The following CNBD1 variants were observed in gnomAD, a reference collection of about 807,000 sequenced individuals.
The protein encoded by CNBD1 is cyclic nucleotide binding domain containing 1.
CNBD1 carries 71 observed loss-of-function variants against 54.4 expected under a neutral mutation model. That is an observed-to-expected ratio of 1.30 (90% CI 1.08 to 1.59). The LOEUF is 1.59. CNBD1 is among the 40% of genes most tolerant of loss of function. The pLI is 0.00. For missense variants in CNBD1, 659 were observed against 518.0 expected (o/e 1.27, Z -2.64); for synonymous variants, 182 against 170.7 (o/e 1.07, Z -0.51).
At position 87,322,430 on chromosome 8, in the gene CNBD1, A is replaced by G. The variant is rs1233158404; in HGVS notation, c.1043-29255A>G. ...TTTACAGTCCCACCAACAGTGTAAA[A>G]GTGTTCCTATTTCTCCACATCCTCT... On this transcript the variant is annotated intron_variant, in intron 8 of 10. Coordinates refer to ENST00000518476, the MANE Select transcript of CNBD1 (RefSeq NM_173538.3). 2.4e-4 allele frequency among the ~76,000 whole-genome samples: 29 copies of G among 120,440 alleles called. 3 individuals carry two copies. The highest frequency in any genetic ancestry group is 8.8e-4 in the African/African-American group (28 of 31,946). 79.0% of individuals were successfully genotyped at this position (120,440 alleles called of 152,430 possible).
At chr8:86,927,332 G>T (rs1445818227) in intron 3 of CNBD1, among the ~76,000 whole-genome samples, 1 of 152,176 alleles carries the variant, frequency 6.6e-6, no homozygotes, top group Non-Finnish European at 1.5e-5. Context: ...CGCTGCTGCA[G>T]GGGGTCCAGG....
At chr8:86,960,861 C>A (rs1024292925) in intron 4 of CNBD1, among the ~76,000 whole-genome samples, 6 of 152,158 alleles carry the variant, frequency 3.9e-5, no homozygotes, top group Non-Finnish European at 7.3e-5. Context: ...CTGGTGATAC[C>A]CAGGCAAACA....
chr8:87,303,341 C>T (rs1403561900), intron 8 of CNBD1, among the ~76,000 whole-genome samples: 6 of 151,968 alleles, frequency 3.9e-5, no homozygotes, highest in Admixed American at 2.6e-4. Flanking sequence ...CGCATATCTA[C>T]AAACATCTGA....
At chr8:87,021,312 G>A (rs1809484458) in intron 4 of CNBD1, among the ~76,000 whole-genome samples, 1 of 151,898 alleles carries the variant, frequency 6.6e-6, no homozygotes, top group African/African-American at 2.4e-5. Context: ...TTGTATAAAT[G>A]TTTGTTCAGT....
intron 5 of CNBD1, among the ~76,000 whole-genome samples, chr8:87,213,397 T>G (rs531130209): frequency 6.6e-6 from 1 of 152,274 alleles, no homozygotes; most frequent in South Asian, 2.1e-4. Flanking sequence ...AGAAGTTTAA[T>G]GGACTCACAG....
At chr8:87,099,172 A>ATGT (rs534189915) in intron 4 of CNBD1, among the ~76,000 whole-genome samples, 1 of 152,044 alleles carries the variant, frequency 6.6e-6, no homozygotes, top group African/African-American at 2.4e-5. Context: ...ATTGTAGAAA[A>ATGT]TGTTGTTGTT....
chr8:87,074,265 C>G (rs906313247), intron 4 of CNBD1, among the ~76,000 whole-genome samples: 19 of 152,148 alleles, frequency 1.2e-4, no homozygotes, highest in Non-Finnish European at 2.2e-4. Flanking sequence ...TGGCCACACC[C>G]TCCCCCTGGG....
chr8:87,373,621 A>C (rs1810865095), intron 10 of CNBD1, among the ~76,000 whole-genome samples: 1 of 151,828 alleles, frequency 6.6e-6, no homozygotes, highest in Non-Finnish European at 1.5e-5. Context: ...TGTATGCTCC[A>C]AAAGTCTAAT....
intron 4 of CNBD1, among the ~76,000 whole-genome samples, chr8:87,178,930 G>A (rs924919122): frequency 3.3e-5 from 5 of 151,552 alleles, no homozygotes; most frequent in African/African-American, 4.9e-5. Context: ...TGTTTGAGAC[G>A]GAGTCTCACC....
At chr8:87,010,856 G>A (rs1458885231) in intron 4 of CNBD1, among the ~76,000 whole-genome samples, 1 of 152,084 alleles carries the variant, frequency 6.6e-6, no homozygotes, top group African/African-American at 2.4e-5. Flanking sequence ...AACTTCCAAT[G>A]TCTGATTTCC....
At chr8:87,337,847 G>C (rs1055486757) in intron 8 of CNBD1, among the ~76,000 whole-genome samples, 2 of 152,146 alleles carry the variant, frequency 1.3e-5, no homozygotes, top group African/African-American at 4.8e-5. Context: ...CTGGGTGCAG[G>C]ATTTGCATGC....
chr8:87,376,508 A>G (rs1012972830), intron 10 of CNBD1, among the ~76,000 whole-genome samples: 6 of 151,964 alleles, frequency 3.9e-5, no homozygotes, highest in African/African-American at 1.2e-4. Flanking sequence ...TTTTAACAGT[A>G]AAAACCGGCC....
chr8:87,314,596 G>T (rs1809341314), intron 8 of CNBD1, among the ~76,000 whole-genome samples: 1 of 130,846 alleles, frequency 7.6e-6, no homozygotes, highest in South Asian at 2.2e-4. Context: ...TAGTTAAAGG[G>T]GGAGGCAGTA....
chr8:87,379,202 G>A (rs1482753603), intron 10 of CNBD1, among the ~76,000 whole-genome samples: 3 of 151,932 alleles, frequency 2.0e-5, no homozygotes, highest in African/African-American at 4.8e-5. Flanking sequence ...TTGAATAGGA[G>A]TGGTGAGAGA....
intron 8 of CNBD1, among the ~76,000 whole-genome samples, chr8:87,302,980 T>TA (rs1383625371): frequency 2.0e-5 from 3 of 151,314 alleles, no homozygotes; most frequent in African/African-American, 7.3e-5. Flanking sequence ...CTCAAGGAAA[T>TA]AAAAGAGGAT....
chr8:86,899,817 T>C (rs552620016), intron 2 of CNBD1, among the ~76,000 whole-genome samples: 3 of 152,290 alleles, frequency 2.0e-5, no homozygotes, highest in African/African-American at 7.2e-5. Context: ...CTAGGGTCAG[T>C]GTGCACCATC....
At chr8:87,282,694 G>T (rs1250287944) in intron 6 of CNBD1, among the ~76,000 whole-genome samples, 1 of 151,780 alleles carries the variant, frequency 6.6e-6, no homozygotes, top group Non-Finnish European at 1.5e-5. Context: ...AATTAATTGA[G>T]AAAGAAAGCC....
At chr8:86,961,228 A>C (rs1478606997) in intron 4 of CNBD1, among the ~76,000 whole-genome samples, 1 of 152,206 alleles carries the variant, frequency 6.6e-6, no homozygotes, top group Non-Finnish European at 1.5e-5. Context: ...CAAGCTTACC[A>C]GTTTTACTTT....
intron 2 of CNBD1, among the ~76,000 whole-genome samples, chr8:87,403,129 TA>T (rs11302548): frequency 0.57 from 86,251 of 151,098 alleles, 26,160 homozygotes; most frequent in African/African-American, 0.78. Context: ...ACATAGAAAA[TA>T]AAAAAAAAAT....
Sources: gnomAD v4.1 joint callset for allele counts (sites outside exome capture counted in the v4.1 genomes callset) on GRCh38, gnomAD v4.1.1 for gene constraint, MANE v1.5 for transcripts, NCBI Gene and HGNC (gene_info 2026-07-23, HGNC 2026-07-21) for gene names.